Variants in RYR3 observed in about 807,000 individuals in gnomAD.
RYR3 encodes ryanodine receptor 3.
In RYR3, 207 loss-of-function variants were observed where a neutral mutation model predicts 584.3. The ratio of observed to expected loss-of-function variants is 0.35; its 90% CI spans 0.32 to 0.40. RYR3 has a LOEUF of 0.40. RYR3 is among the 10% of genes least tolerant of loss of function. RYR3 has a pLI of 1.00. For synonymous variants in RYR3, 2,416 were observed against 2,248.5 expected (o/e 1.07, Z -2.11); for missense variants, 5,616 against 6,089.2 (o/e 0.92, Z 2.59).
intron 86 of RYR3, among the ~76,000 whole-genome samples, chr15:33,833,022 G>A (rs113834395): frequency 2.7e-3 from 196 of 72,476 alleles, no homozygotes; most frequent in Non-Finnish European, 2.7e-3. Context: ...AAAAAAAAAA[G>A]AGCCAAAGGG....
chr15:33,653,941 C>T (rs921257270), intron 32 of RYR3, among the ~76,000 whole-genome samples: 1 of 152,150 alleles, frequency 6.6e-6, no homozygotes, highest in Non-Finnish European at 1.5e-5. Context: ...TGTAACCAAG[C>T]AGTTCTCAAA....
At position 33,662,305 on chromosome 15, in the gene RYR3, C is replaced by T; in HGVS notation, c.4775C>T (p.Ala1592Val). 1 of 1,611,542 alleles carries T rather than the reference C, an allele frequency of 6.2e-7. No homozygotes were observed. The highest frequency in any genetic ancestry group is 8.5e-7 in the Non-Finnish European group (1 of 1,178,996). ...GTGGACCTCTCCCAGCTCTTCTATG[C>T]CATTGACAACAAGTACCTCCCCGGC... ...SHVDLSQLFY[A>V]IDNKYLPGLL... is the part of the protein sequence containing the mutation. Residue 1592 changes from alanine (A) to valine (V), a missense_variant, in exon 35 of 104, where the codon GCC becomes GTC. Around this residue, in one of 9 missense-constraint regions of RYR3, gnomAD observed 753 missense variants for 741.0 expected, o/e 1.02. Transcript: ENST00000634891.
intron 2 of RYR3, among the ~76,000 whole-genome samples, chr15:33,492,972 G>A (rs1307189539): frequency 1.2e-4 from 18 of 152,136 alleles, no homozygotes; most frequent in Admixed American, 1.2e-3. Context: ...AAATTCTGTA[G>A]CAACTATATC....
chr15:33,426,617 TATC>T (rs1474855226), intron 1 of RYR3, among the ~76,000 whole-genome samples: 1 of 152,244 alleles, frequency 6.6e-6, no homozygotes, highest in Non-Finnish European at 1.5e-5. Flanking sequence ...TGGGTATTCT[TATC>T]ATCTGGATTT....
intron 1 of RYR3, among the ~76,000 whole-genome samples, chr15:33,419,154 T>C (rs981402295): frequency 1.3e-5 from 2 of 152,148 alleles, no homozygotes; most frequent in Admixed American, 1.3e-4. Flanking sequence ...TGGGAAAAGC[T>C]TCCTGAGGAA....
intron 51 of RYR3, among the ~76,000 whole-genome samples, chr15:33,740,364 G>A (rs532196535): frequency 2.6e-4 from 39 of 152,108 alleles, no homozygotes; most frequent in Non-Finnish European, 5.1e-4. Context: ...GGTTCTAATA[G>A]CATCATACAT....
rs145033068 is a variant in RYR3, at chr15:33,544,765, A to G, written c.740+1050A>G. Among the ~76,000 whole-genome samples the G allele has an allele frequency of 9.0e-3, 1,370 of 152,272 alleles. 23 individuals carry two copies. Among genetic ancestry groups the G allele is most frequent in the African/African-American group, 0.031 (1,288 of 41,556 alleles). Reference sequence around the variant, plus strand: ...CTCTGAATACCCTTTCATAGGAACCAGATGTGACCCAGAAGGGTGCCTAGG... The same window carrying G: ...CTCTGAATACCCTTTCATAGGAACCGGATGTGACCCAGAAGGGTGCCTAGG... On this transcript the variant is annotated intron_variant, in intron 8 of 103. Transcript: ENST00000634891.
chr15:33,399,616 C>T (rs577609052), intron 1 of RYR3, among the ~76,000 whole-genome samples: 24 of 152,108 alleles, frequency 1.6e-4, no homozygotes, highest in African/African-American at 5.8e-4. Context: ...CCAGCCTGGG[C>T]GACAGAGTAA....
rs570575044 is a variant in RYR3, at chr15:33,438,217, T to G, written c.52-35202T>G. ...AAGTAAATTATACATTATTATTAAT[T>G]ATAGTCACCATGATGTACGGTGGAT... On this transcript the variant is annotated intron_variant, in intron 1 of 103. Coordinates refer to ENST00000634891, the MANE Select transcript of RYR3 (RefSeq NM_001036.6). 3.0e-3 allele frequency among the ~76,000 whole-genome samples: 460 copies of G among 152,188 alleles called. 1 individual carries two copies. Among genetic ancestry groups the G allele is most frequent in the African/African-American group, 0.011 (447 of 41,514 alleles).
intron 7 of RYR3, among the ~76,000 whole-genome samples, 157 bp from the exon 8 acceptor site, chr15:33,543,465 C>T (rs2055993313): frequency 6.6e-6 from 1 of 152,108 alleles, no homozygotes; most frequent in Non-Finnish European, 1.5e-5. Flanking sequence ...TCTTTTCTGC[C>T]TGAGGCCTGC....
intron 23 of RYR3, 46 bp downstream of exon 23, chr15:33,631,339 C>A: frequency 7.7e-7 from 1 of 1,301,848 alleles, no homozygotes; most frequent in Non-Finnish European, 1.1e-6. Context: ...ATGCTTCAGC[C>A]TGGATTTTTA....
Position 33,840,805 on chromosome 15 carries a change from T to G in RYR3, c.12979-20T>G, listed in dbSNP as rs1288271929. 6.2e-7 allele frequency: 1 copy of G among 1,613,234 alleles called. No individual in the cohort carries two copies. Among genetic ancestry groups the G allele is most frequent in the Admixed American group, 1.7e-5 (1 of 59,990 alleles). ...CTCGCTTCTTTGAGGAAAGCTTGAC[T>G]AATTGTTATTTTTGTCTAGGCAGCA... On this transcript the variant is annotated intron_variant, in intron 89 of 103. Transcript: ENST00000634891.
At chr15:33,685,355 A>T (rs2064917890) in intron 38 of RYR3, among the ~76,000 whole-genome samples, 1 of 152,094 alleles carries the variant, frequency 6.6e-6, no homozygotes, top group East Asian at 1.9e-4. Flanking sequence ...AAGAAGGCCA[A>T]TACATAATGG....
At chr15:33,521,137 T>C (rs1403074005) in intron 3 of RYR3, among the ~76,000 whole-genome samples, 1 of 152,098 alleles carries the variant, frequency 6.6e-6, no homozygotes, top group Non-Finnish European at 1.5e-5. Flanking sequence ...GAATCAACTC[T>C]AGGTTACCAT....
intron 60 of RYR3, among the ~76,000 whole-genome samples, chr15:33,762,379 C>T (rs1437697422): frequency 1.3e-5 from 2 of 152,142 alleles, no homozygotes; most frequent in Admixed American, 1.3e-4. Context: ...CCCAAAAACC[C>T]CTTAAGCTGA....
chr15:33,732,965 G>A (rs2069095286), intron 48 of RYR3, among the ~76,000 whole-genome samples: 1 of 152,074 alleles, frequency 6.6e-6, no homozygotes, highest in Non-Finnish European at 1.5e-5. Flanking sequence ...GGGAGCTAGG[G>A]CTACCTGGAA....
intron 36 of RYR3, among the ~76,000 whole-genome samples, chr15:33,666,344 C>T (rs2063493028): frequency 6.6e-6 from 1 of 152,090 alleles, no homozygotes; most frequent in South Asian, 2.1e-4. Context: ...TAGGGTGAGG[C>T]CTAAGCTTTT....
intron 41 of RYR3, among the ~76,000 whole-genome samples, chr15:33,700,567 G>A (rs1566978431): frequency 2.0e-5 from 3 of 151,986 alleles, no homozygotes; most frequent in Non-Finnish European, 4.4e-5. Flanking sequence ...AACAACATTG[G>A]TGACCTGGTG....
intron 50 of RYR3, among the ~76,000 whole-genome samples, chr15:33,739,335 G>A (rs2152833577): frequency 6.6e-6 from 1 of 152,234 alleles, no homozygotes; most frequent in East Asian, 1.9e-4. Context: ...CATGCCATTT[G>A]ACTGAAATTC....
Sources: gnomAD v4.1 joint callset for allele counts (sites outside exome capture counted in the v4.1 genomes callset) on GRCh38, gnomAD v4.1.1 for gene constraint, gnomAD v4.1.1 regional missense constraint, MANE v1.5 for transcripts, NCBI Gene and HGNC (gene_info 2026-07-23, HGNC 2026-07-21) for gene names.